The following COX6C variants were observed in gnomAD, a reference collection of about 807,000 sequenced individuals.
The protein encoded by COX6C is cytochrome c oxidase subunit 6C, also known as cytochrome c oxidase polypeptide VIc.
Under a neutral mutation model 6.9 loss-of-function variants are expected in COX6C, and 3 were observed. The ratio of observed to expected loss-of-function variants is 0.43; its 90% CI spans 0.20 to 1.12. The LOEUF (loss-of-function observed/expected upper bound fraction) is 1.12, where lower values mean the gene tolerates loss of function less well. COX6C is among the 50% of genes most tolerant of loss of function. The probability of loss-of-function intolerance (pLI) is 0.27; values close to 1 mark genes in which losing one functional copy is unlikely to be tolerated. For missense variants in COX6C, 101 were observed against 97.3 expected (o/e 1.04, Z -0.16); for synonymous variants, 32 against 32.0 (o/e 1.00, Z 0.00).
chr8:99,889,384 ATTT>A (rs11287901), intron 2 of COX6C, among the ~76,000 whole-genome samples: 13 of 126,308 alleles, frequency 1.0e-4, no homozygotes, highest in African/African-American at 1.9e-4. Context: ...CCACCTCCCA[ATTT>A]TTTTTTTTTT....
At chr8:99,883,919 T>A (rs977988191) in intron 3 of COX6C, among the ~76,000 whole-genome samples, 3 of 152,082 alleles carry the variant, frequency 2.0e-5, no homozygotes, top group African/African-American at 7.2e-5. Flanking sequence ...AAAAAACACA[T>A]CTCAAAAAAT....
chr8:99,887,395 T>G (rs891198864), intron 3 of COX6C, 95 bp downstream of exon 3: 1 of 625,726 alleles, frequency 1.6e-6, no homozygotes, highest in Non-Finnish European at 2.6e-6. Flanking sequence ...AGTCAAAAAA[T>G]CTTAAGTCTA....
chr8:99,884,608 T>C (rs977045506), intron 3 of COX6C, among the ~76,000 whole-genome samples: 1 of 152,114 alleles, frequency 6.6e-6, no homozygotes, highest in Non-Finnish European at 1.5e-5. Context: ...CGGAAAGAAA[T>C]GTGTGTCCTT....
chr8:99,889,516 G>A (rs143837727), intron 2 of COX6C, among the ~76,000 whole-genome samples: 2,508 of 151,858 alleles, frequency 0.017, 78 homozygotes, highest in African/African-American at 0.058. Context: ...CTGCCGAGCA[G>A]CTGGGATTAC....
intron 3 of COX6C, among the ~76,000 whole-genome samples, chr8:99,883,826 T>A (rs1817905041): frequency 1.3e-5 from 2 of 152,200 alleles, no homozygotes; most frequent in Non-Finnish European, 2.9e-5. Context: ...TATGATTAAG[T>A]GGGATTTATC....
chr8:99,891,828 A>G, intron 2 of COX6C, 80 bp downstream of exon 2: 2 of 1,190,286 alleles, frequency 1.7e-6, no homozygotes, highest in Non-Finnish European at 2.5e-6. Context: ...ACACATTACA[A>G]GGGGGAGTTT....
chr8:99,887,748 A>G, intron 2 of COX6C, 130 bp from the exon 3 acceptor site: 1 of 556,546 alleles, frequency 1.8e-6, no homozygotes, highest in Non-Finnish European at 3.0e-6. Flanking sequence ...ACATTTCCTA[A>G]GGGGTGGAGG....
chr8:99,892,022 G>A lies in COX6C; in HGVS notation c.-1C>T, dbSNP rs1357889318. The A allele has an allele frequency of 1.2e-6, 2 of 1,609,230 alleles. No individual in the cohort carries two copies. Among genetic ancestry groups the A allele is most frequent in the Non-Finnish European group, 1.7e-6 (2 of 1,177,390 alleles). The stretch of plus-strand genomic sequence containing the variant: ...GTTTTGGCAAAACTTCGGGAGCCAT[G>A]GTAGTTACTGTCCTTGATACGTATG... On this transcript the variant is annotated 5_prime_UTR_variant, in exon 2 of 4. Transcript: ENST00000520468.
intron 2 of COX6C, among the ~76,000 whole-genome samples, chr8:99,888,895 A>G (rs1817987574): frequency 6.6e-6 from 1 of 152,172 alleles, no homozygotes. Flanking sequence ...AGTGGGGAGG[A>G]GCCTAGTCTC....
intron 3 of COX6C, among the ~76,000 whole-genome samples, chr8:99,884,456 G>A (rs1048252549): frequency 7.9e-5 from 12 of 152,088 alleles, no homozygotes; most frequent in African/African-American, 2.9e-4. Context: ...AGATGAAACA[G>A]ATATATACCT....
chr8:99,882,978 G>A (rs1817888494), intron 3 of COX6C, among the ~76,000 whole-genome samples: 1 of 151,992 alleles, frequency 6.6e-6, no homozygotes, highest in Non-Finnish European at 1.5e-5. Flanking sequence ...TGTAGAGACG[G>A]GGTTTCGCCA....
intron 1 of COX6C, among the ~76,000 whole-genome samples, chr8:99,892,568 A>G (rs1471219106): frequency 6.6e-6 from 1 of 152,128 alleles, no homozygotes; most frequent in African/African-American, 2.4e-5. Flanking sequence ...AAGATATCAA[A>G]AGGAATTCTC....
At chr8:99,889,348 G>A (rs566069953) in intron 2 of COX6C, among the ~76,000 whole-genome samples, 11 of 150,918 alleles carry the variant, frequency 7.3e-5, no homozygotes, top group South Asian at 2.1e-4. Flanking sequence ...GGAGTGCAGC[G>A]GCACGATCTC....
rs1275915177 is a variant in COX6C at position 99,887,490 on chromosome 8, C to T, written c.*15G>A. The T allele has an allele frequency of 6.5e-7, 1 of 1,540,802 alleles. No homozygotes were observed. Among genetic ancestry groups the T allele is most frequent in the Non-Finnish European group, 8.8e-7 (1 of 1,139,996 alleles). On this transcript the variant is annotated splice_region_variant and 3_prime_UTR_variant, in exon 3 of 4. Transcript: ENST00000520468. ...AAGTAACTTCAAATAACCATATTACCTTTATATTCCAAGATTACTTTACAC... is the reference window on the plus strand; with the variant it reads ...AAGTAACTTCAAATAACCATATTACTTTTATATTCCAAGATTACTTTACAC...
intron 3 of COX6C, among the ~76,000 whole-genome samples, chr8:99,881,292 G>A (rs566748478): frequency 3.3e-5 from 5 of 151,896 alleles, no homozygotes; most frequent in African/African-American, 7.2e-5. Context: ...CCCACGAGGC[G>A]GAAGTTGCAG....
intron 2 of COX6C, among the ~76,000 whole-genome samples, chr8:99,890,136 G>C (rs1307889445): frequency 6.6e-6 from 1 of 151,578 alleles, no homozygotes. Flanking sequence ...GCTAATTTTT[G>C]TATTTTAGTA....
intron 1 of COX6C, chr8:99,893,034 A>G (rs1818079266): frequency 6.6e-6 from 1 of 152,158 alleles, no homozygotes; most frequent in South Asian, 2.1e-4. Flanking sequence ...AGGGGCCTAA[A>G]AACTTTTGCG....
At chr8:99,893,067 G>A (rs1818079788) in intron 1 of COX6C, 1 of 152,196 alleles carries the variant, frequency 6.6e-6, no homozygotes, top group African/African-American at 2.4e-5. Flanking sequence ...TTCAGCTAAC[G>A]CGGCCGGGGG....
intron 3 of COX6C, among the ~76,000 whole-genome samples, chr8:99,885,628 C>T (rs1184819129): frequency 6.6e-6 from 1 of 152,104 alleles, no homozygotes; most frequent in Admixed American, 6.6e-5. Context: ...GATCTTTACA[C>T]CCTACACAAA....
Sources: allele counts gnomAD v4.1 joint callset (sites outside exome capture counted in the v4.1 genomes callset), GRCh38; gene constraint gnomAD v4.1.1; transcripts MANE v1.5; gene names NCBI Gene and HGNC (gene_info 2026-07-23, HGNC 2026-07-21).